Variants in MGAT5 observed in about 807,000 individuals in gnomAD.
The protein encoded by MGAT5 is alpha-1,6-mannosylglycoprotein 6-beta-N-acetylglucosaminyltransferase.
MGAT5 carries 30 observed loss-of-function variants against 94.3 expected under a neutral mutation model. That is an observed-to-expected ratio of 0.32 (90% confidence interval 0.24 to 0.43). The LOEUF is 0.43. MGAT5 is among the 20% of genes least tolerant of loss of function. MGAT5 has a pLI of 1.00. For synonymous variants in MGAT5, 310 were observed against 322.9 expected, an observed-to-expected ratio of 0.96 and a Z score of 0.43; for missense variants, 691 against 905.5, an observed-to-expected ratio of 0.76 and a Z score of 3.04.
intron 1 of MGAT5, among the ~76,000 whole-genome samples, chr2:134,139,358 A>C (rs1686562129): frequency 6.6e-6 from 1 of 151,740 alleles, no homozygotes; most frequent in Non-Finnish European, 1.5e-5. Flanking sequence ...TGTAGATACA[A>C]ATTTACTACT....
chr2:134,384,725 T>G (rs1573979164), intron 10 of MGAT5, among the ~76,000 whole-genome samples: 2 of 152,202 alleles, frequency 1.3e-5, no homozygotes, highest in South Asian at 4.1e-4. Flanking sequence ...TGATAGAATT[T>G]ATGATAAAAG....
intron 10 of MGAT5, among the ~76,000 whole-genome samples, chr2:134,398,132 T>C (rs1483897523): frequency 6.6e-6 from 1 of 152,194 alleles, no homozygotes; most frequent in Non-Finnish European, 1.5e-5. Context: ...TTTTCAGATT[T>C]GGAGATATTA....
chr2:134,152,437 A>G (rs977531825), intron 1 of MGAT5, among the ~76,000 whole-genome samples: 1 of 150,364 alleles, frequency 6.7e-6, no homozygotes. Context: ...GACCTCACTC[A>G]CGCCCTATGG....
intron 1 of MGAT5, among the ~76,000 whole-genome samples, chr2:134,172,596 C>A (rs182641336): frequency 6.6e-6 from 1 of 152,124 alleles, no homozygotes; most frequent in Admixed American, 6.5e-5. Context: ...CCGTGTTAGC[C>A]AGGATGGTCT....
intron 4 of MGAT5, among the ~76,000 whole-genome samples, chr2:134,327,878 G>A (rs1687731594): frequency 6.6e-6 from 1 of 152,216 alleles, no homozygotes; most frequent in Middle Eastern, 3.4e-3. Context: ...CACAAAAAAA[G>A]AGCTATATCA....
At chr2:134,308,427 A>G (rs1353123731) in intron 2 of MGAT5, among the ~76,000 whole-genome samples, 1 of 152,216 alleles carries the variant, frequency 6.6e-6, no homozygotes. Context: ...TCAGGGCTCC[A>G]CATTCTTCCC....
At chr2:134,420,340 T>C (rs1558873587) in intron 12 of MGAT5, among the ~76,000 whole-genome samples, 2 of 152,160 alleles carry the variant, frequency 1.3e-5, no homozygotes, top group Non-Finnish European at 2.9e-5. Context: ...TCCGTGGGCC[T>C]GCAGAGAGTC....
intron 1 of MGAT5, among the ~76,000 whole-genome samples, chr2:134,146,164 T>C (rs1686909134): frequency 1.3e-5 from 2 of 152,196 alleles, no homozygotes; most frequent in South Asian, 4.1e-4. Context: ...CTTAATTTCA[T>C]AGGAGACAAA....
At chr2:134,122,293 G>C (rs530014150) in intron 1 of MGAT5, among the ~76,000 whole-genome samples, 2 of 152,198 alleles carry the variant, frequency 1.3e-5, no homozygotes, top group South Asian at 4.2e-4. Context: ...TAGTAGAGAC[G>C]AGGTTTCACC....
Position 134,441,838 on chromosome 2 carries a change from G to A in MGAT5, c.1950G>A (p.Lys650=). 1 of 1,614,148 alleles carries A rather than the reference G, an allele frequency of 6.2e-7. No homozygotes were observed. Among genetic ancestry groups the A allele is most frequent in the Non-Finnish European group, 8.5e-7 (1 of 1,180,014 alleles). ...VKLAEPGQSC[K]QVCQESQLIC... ...TTGCTGAGCCCGGGCAGTCCTGCAA[G>A]CAGGTGTGCCAGGAGAGCCAGCTCA... is the stretch of plus-strand genomic sequence containing the variant. The change falls in exon 15 of 16, where the codon AAG becomes AAA. Residue 650 remains lysine (K), a synonymous_variant. Coordinates refer to ENST00000281923, the MANE Select transcript of MGAT5 (RefSeq NM_002410.5).
intron 2 of MGAT5, among the ~76,000 whole-genome samples, chr2:134,300,861 A>G (rs539631990): frequency 6.6e-6 from 1 of 152,322 alleles, no homozygotes; most frequent in African/African-American, 2.4e-5. Context: ...GAGAAAGCAC[A>G]CATTTAAGCA....
At position 134,317,565 on chromosome 2, in the gene MGAT5, C is replaced by G; in HGVS notation, c.443C>G (p.Pro148Arg). Residue 148 changes from proline to arginine, a missense_variant, in exon 3 of 16, where the codon CCT (proline) becomes CGT (arginine). By Grantham distance (103) the Pro-to-Arg change is moderately radical (BLOSUM62 -2). This residue lies in a region of MGAT5 where 307 missense variants were observed against 335.4 expected (regional missense o/e 0.92). Transcript: ENST00000281923. ...INGAQEKCVL[P>R]PMDGYPHCEG... ...GGAGCTCAAGAAAAATGTGTATTGC[C>G]TCCTATGGACGGCTACCCTCACTGT... The G allele has an allele frequency of 6.4e-7, 1 of 1,569,906 alleles. No individual in the cohort carries two copies. Among genetic ancestry groups the G allele is most frequent in the South Asian group, 1.2e-5 (1 of 84,234 alleles).
chr2:134,441,291 G>C (rs1185790396), intron 14 of MGAT5, among the ~76,000 whole-genome samples: 1 of 152,070 alleles, frequency 6.6e-6, no homozygotes, highest in African/African-American at 2.4e-5. Flanking sequence ...AAACAGTGTC[G>C]TATTAGGTAA....
At chr2:134,393,456 C>T (rs1682532386) in intron 10 of MGAT5, among the ~76,000 whole-genome samples, 1 of 152,172 alleles carries the variant, frequency 6.6e-6, no homozygotes, top group African/African-American at 2.4e-5. Context: ...CTTTTTGAAG[C>T]AGTGCTGTTT....
At chr2:134,272,151 G>A (rs1684065761) in intron 2 of MGAT5, among the ~76,000 whole-genome samples, 2 of 152,332 alleles carry the variant, frequency 1.3e-5, no homozygotes, top group African/African-American at 2.4e-5. Context: ...AAGCCACAGA[G>A]CACAGGGTCG....
At chr2:134,181,405 G>T (rs533485829) in intron 1 of MGAT5, among the ~76,000 whole-genome samples, 1 of 152,282 alleles carries the variant, frequency 6.6e-6, no homozygotes, top group South Asian at 2.1e-4. Flanking sequence ...TGTTTTTCTT[G>T]TGTGGTTGGG....
chr2:134,151,277 C>T (rs1687159650), intron 1 of MGAT5, among the ~76,000 whole-genome samples: 2 of 148,692 alleles, frequency 1.3e-5, no homozygotes, highest in Middle Eastern at 8.0e-3. Flanking sequence ...ACCTCACTCA[C>T]TCATGCCCTG....
At chr2:134,406,664 T>C (rs1683356932) in intron 11 of MGAT5, among the ~76,000 whole-genome samples, 1 of 151,596 alleles carries the variant, frequency 6.6e-6, no homozygotes, top group Non-Finnish European at 1.5e-5. Flanking sequence ...TCGGGCAAAT[T>C]GCTTGAGCCG....
rs576538369 is a variant in MGAT5 at position 134,223,265 on chromosome 2, G to A, written c.-142-30997G>A. Among the ~76,000 whole-genome samples, 10 of 151,932 alleles carry A rather than the reference G, an allele frequency of 6.6e-5. No individual in the cohort carries two copies. The South Asian group carries it at 1.7e-3, about 25-fold the overall frequency. On this transcript the variant is annotated intron_variant, in intron 1 of 16. Coordinates refer to the MGAT5 transcript ENST00000409645. Reference sequence around the variant, plus strand: ...TTGTCCTAATTTTATTCCTCAAACCGGACCTTACAATCTTACGTACCCACC... The same window carrying A: ...TTGTCCTAATTTTATTCCTCAAACCAGACCTTACAATCTTACGTACCCACC...
Sources: gnomAD v4.1 joint callset for allele counts (sites outside exome capture counted in the v4.1 genomes callset) on GRCh38, gnomAD v4.1.1 for gene constraint, gnomAD v4.1.1 regional missense constraint, MANE v1.5 for transcripts, NCBI Gene and HGNC (gene_info 2026-07-23, HGNC 2026-07-21) for gene names.